GMCL1: variants seen among roughly 807,000 people sequenced by gnomAD.
GMCL1 encodes the protein germ cell-less 1, spermatogenesis associated, also known as germ cell-less protein-like 1.
Under a neutral mutation model 75.5 loss-of-function variants are expected in GMCL1, and 54 were observed. The ratio of observed to expected loss-of-function variants is 0.71; its 90% CI spans 0.57 to 0.90. The LOEUF is 0.90. Ranked by LOEUF, GMCL1 falls within the 40% of genes least tolerant of loss-of-function variation. GMCL1 has a pLI of 0.00. For synonymous variants in GMCL1, 210 were observed against 209.6 expected (o/e 1.00, Z -0.02); for missense variants, 537 against 622.7 (o/e 0.86, Z 1.47).
Position 69,829,959 on chromosome 2 carries a change from G to GCAC in GMCL1, c.68_69insACC (p.Ala23_Arg24insPro). The GCAC allele has an allele frequency of 6.3e-7, 1 of 1,592,106 alleles. No homozygotes were observed. The highest frequency in any genetic ancestry group is 8.6e-7 in the Non-Finnish European group (1 of 1,169,270). On this transcript the variant is annotated inframe_insertion, in exon 1 of 14. Coordinates refer to ENST00000282570, the MANE Select transcript of GMCL1 (RefSeq NM_178439.5). Reference sequence around the variant, plus strand: ...AGCCCTTGCCCAGCAGGCGCAGGGTGCCAGGGCGGGGGGCTCGGCCCGGAG... The same window carrying GCAC: ...AGCCCTTGCCCAGCAGGCGCAGGGTGCACCCAGGGCGGGGGGCTCGGCCCGGAG...
chr2:69,880,868 AGAG>A lies in GMCL1; in HGVS notation c.*1866_*1868del, dbSNP rs1214949991. ...GTCTCAAAAAAAAAAAAAAAAAAAA[AGAG>A]GCTACTGTACTTATTTTTATATTTG... is the stretch of plus-strand genomic sequence containing the variant. On this transcript the variant is annotated 3_prime_UTR_variant, in exon 14 of 14. Transcript: ENST00000282570. 1.3e-5 allele frequency: 2 copies of A among 148,964 alleles called. No individual in the cohort carries two copies. Among genetic ancestry groups the A allele is most frequent in the African/African-American group, 2.5e-5 (1 of 40,316 alleles). The allele number at this position is 148,964 out of a possible 1,614,324, so 9.2% of individuals were successfully genotyped here.
At chr2:69,864,487 T>C (rs1573366931) in intron 10 of GMCL1, among the ~76,000 whole-genome samples, 1 of 152,096 alleles carries the variant, frequency 6.6e-6, no homozygotes, top group East Asian at 1.9e-4. Flanking sequence ...GAAAAATGGT[T>C]TGCATGTGAA....
chr2:69,836,441 G>C (rs1393902611), intron 1 of GMCL1, among the ~76,000 whole-genome samples: 2 of 152,122 alleles, frequency 1.3e-5, no homozygotes, highest in African/African-American at 2.4e-5. Flanking sequence ...GCATCATAAC[G>C]AGTGAAGTGG....
intron 13 of GMCL1, among the ~76,000 whole-genome samples, chr2:69,872,148 G>T (rs1675999801): frequency 6.6e-6 from 1 of 152,148 alleles, no homozygotes; most frequent in African/African-American, 2.4e-5. Context: ...AATCTTAAGT[G>T]CTTTATCCAT....
At chr2:69,848,014 T>G (rs1440559126) in intron 7 of GMCL1, among the ~76,000 whole-genome samples, 1 of 152,222 alleles carries the variant, frequency 6.6e-6, no homozygotes, top group African/African-American at 2.4e-5. Flanking sequence ...AATTTTTCTT[T>G]TAAAGGCCTG....
Position 69,854,873 on chromosome 2 carries a change from T to A in GMCL1, c.985T>A (p.Ser329Thr). 1 of 1,611,284 alleles carries A rather than the reference T, an allele frequency of 6.2e-7. No homozygotes were observed. Among genetic ancestry groups the A allele is most frequent in the Non-Finnish European group, 8.5e-7 (1 of 1,178,434 alleles). Residue 329 changes from serine (S) to threonine (T), a missense_variant, in exon 9 of 14, where the codon TCA becomes ACA. Ser to Thr is a moderately conservative substitution (Grantham distance 58). Coordinates refer to ENST00000282570, the MANE Select transcript of GMCL1 (RefSeq NM_178439.5). ...LETEQGKPFVSVFRHLRLQYI... is the reference protein window; with the variant it reads ...LETEQGKPFVTVFRHLRLQYI... ...AACTGAACAAGGAAAACCATTTGTGTCAGTATTCAGACATTTAAGGTTACA... is the reference window on the plus strand; with the variant it reads ...AACTGAACAAGGAAAACCATTTGTGACAGTATTCAGACATTTAAGGTTACA...
intron 13 of GMCL1, among the ~76,000 whole-genome samples, chr2:69,875,438 C>T (rs1224531611): frequency 6.6e-6 from 1 of 152,032 alleles, no homozygotes; most frequent in Admixed American, 6.6e-5. Flanking sequence ...AAAAATCTCT[C>T]AGTTCTTTGT....
intron 13 of GMCL1, chr2:69,873,492 A>G (rs1676040451): frequency 6.6e-6 from 1 of 151,824 alleles, no homozygotes; most frequent in Admixed American, 6.6e-5. Flanking sequence ...TAGGTTAGCT[A>G]TTTTGTAACC....
intron 1 of GMCL1, among the ~76,000 whole-genome samples, chr2:69,830,673 CAG>C (rs1226295916): frequency 2.0e-5 from 3 of 151,700 alleles, no homozygotes; most frequent in Non-Finnish European, 4.4e-5. Flanking sequence ...TAACTAGGAA[CAG>C]AGTCTGTGCA....
chr2:69,840,908 A>G, intron 3 of GMCL1, 34 bp from the exon 4 acceptor site: 1 of 1,416,052 alleles, frequency 7.1e-7, no homozygotes, highest in Non-Finnish European at 1.0e-6. Flanking sequence ...AGATATAAAT[A>G]TTATTTCATC....
intron 13 of GMCL1, among the ~76,000 whole-genome samples, chr2:69,873,024 T>C (rs1676026337): frequency 6.6e-6 from 1 of 152,160 alleles, no homozygotes; most frequent in African/African-American, 2.4e-5. Flanking sequence ...GTAAGTAGCA[T>C]GATAGAATTA....
chr2:69,845,428 C>G (rs1247378698), intron 6 of GMCL1, among the ~76,000 whole-genome samples: 1 of 152,178 alleles, frequency 6.6e-6, no homozygotes, highest in African/African-American at 2.4e-5. Flanking sequence ...TGCCCACCAC[C>G]CAAGCTGCAG....
At position 69,843,163 on chromosome 2, in the gene GMCL1, G is replaced by A. The variant is rs1426042526; in HGVS notation, c.594G>A (p.Gln198=). The change falls in exon 5 of 14, where the codon CAG becomes CAA. Residue 198 remains glutamine (Q), a synonymous_variant. Transcript: ENST00000282570. ...ACLLQLDGLI[Q]QCGETMKETV... Reference sequence around the variant, plus strand: ...TATATTTACAGGACGGTTTAATACAGCAGTGTGGTGAGACAATGAAGGAAA... The same window carrying A: ...TATATTTACAGGACGGTTTAATACAACAGTGTGGTGAGACAATGAAGGAAA... 2.7e-5 allele frequency: 44 copies of A among 1,607,590 alleles called. No individual in the cohort carries two copies. Among genetic ancestry groups the A allele is most frequent in the African/African-American group, 6.7e-5 (5 of 74,636 alleles).
intron 10 of GMCL1, 95 bp from the exon 11 acceptor site, chr2:69,864,805 C>G: frequency 1.3e-6 from 1 of 761,434 alleles, no homozygotes; most frequent in Non-Finnish European, 2.2e-6. Context: ...ATTTTTAAAT[C>G]TGGTAGCAAG....
In GMCL1 at chr2:69,849,673, C is replaced by T. The variant is rs770452101; in HGVS notation, c.865C>T (p.Pro289Ser). The T allele has an allele frequency of 7.6e-6, 12 of 1,578,868 alleles. No homozygotes were observed. The East Asian group carries it at 2.8e-4, about 36-fold the overall frequency. Residue 289 changes from proline (P) to serine (S), a missense_variant, in exon 8 of 14, where the codon CCT (proline) becomes TCT (serine). Coordinates refer to ENST00000282570, the MANE Select transcript of GMCL1 (RefSeq NM_178439.5). ...LKKWMFLQLV[P>S]SWNGSLKQLL... ...TTAGTGGATGTTCCTTCAACTTGTG[C>T]CTTCTTGGAATGGATCTTTAAAACA... is the stretch of plus-strand genomic sequence containing the variant.
At chr2:69,858,107 A>C (rs1675532301) in intron 9 of GMCL1, among the ~76,000 whole-genome samples, 1 of 152,186 alleles carries the variant, frequency 6.6e-6, no homozygotes. Context: ...AGACTAGATC[A>C]CAGCTGCAGA....
intron 8 of GMCL1, among the ~76,000 whole-genome samples, chr2:69,852,830 C>T (rs1204340080): frequency 1.3e-5 from 2 of 152,182 alleles, no homozygotes; most frequent in Non-Finnish European, 2.9e-5. Context: ...TGAGCCACCA[C>T]ACCTGCCATA....
chr2:69,832,215 G>A (rs1674694588), intron 1 of GMCL1, among the ~76,000 whole-genome samples: 1 of 145,034 alleles, frequency 6.9e-6, no homozygotes, highest in Non-Finnish European at 1.5e-5. Context: ...GTGAGACTCT[G>A]TCTCAAAAAA....
chr2:69,855,064 C>A, intron 9 of GMCL1, 104 bp downstream of exon 9: 1 of 931,850 alleles, frequency 1.1e-6, no homozygotes. Context: ...TTATTAATCC[C>A]AAAAAGGTAT....
Sources: allele counts gnomAD v4.1 joint callset (sites outside exome capture counted in the v4.1 genomes callset), GRCh38; gene constraint gnomAD v4.1.1; transcripts MANE v1.5; gene names NCBI Gene and HGNC (gene_info 2026-07-23, HGNC 2026-07-21).